The following KLHL1 variants were observed in gnomAD, a reference collection of about 807,000 sequenced individuals.
The protein encoded by KLHL1 is kelch like family member 1.
KLHL1 carries 47 observed loss-of-function variants against 77.7 expected under a neutral mutation model. The observed-to-expected ratio is 0.60, with a 90% CI of 0.48 to 0.77. KLHL1 has a LOEUF of 0.77. Ranked by LOEUF, KLHL1 falls within the 30% of genes least tolerant of loss-of-function variation. The probability of loss-of-function intolerance (pLI) is 0.00; values close to 1 mark genes in which losing one functional copy is unlikely to be tolerated. For synonymous variants in KLHL1, 360 were observed against 325.2 expected (o/e 1.11, Z -1.15); for missense variants, 925 against 910.8 (o/e 1.02, Z -0.20).
At chr13:69,988,088 T>TG (rs1566475996) in intron 1 of KLHL1, among the ~76,000 whole-genome samples, 35 of 151,774 alleles carry the variant, frequency 2.3e-4, no homozygotes, top group African/African-American at 7.8e-4. Context: ...TAGCTTTTTT[T>TG]TGGCGGGGGG....
intron 1 of KLHL1, among the ~76,000 whole-genome samples, chr13:70,026,745 AGAGG>A (rs1410067852): frequency 7.2e-6 from 1 of 138,444 alleles, no homozygotes; most frequent in East Asian, 2.0e-4. Flanking sequence ...TGTGTGTGTA[AGAGG>A]GAGAGAGAGA....
intron 6 of KLHL1, among the ~76,000 whole-genome samples, chr13:69,835,821 A>AT (rs1296789507): frequency 6.7e-6 from 1 of 149,474 alleles, no homozygotes; most frequent in East Asian, 1.9e-4. Flanking sequence ...AATGGACAGA[A>AT]TGAAAAAAAA....
Position 69,863,849 on chromosome 13 carries a change from A to G in KLHL1, c.1227+18434T>C, listed in dbSNP as rs1288616399. Among the ~76,000 whole-genome samples the G allele has an allele frequency of 3.3e-5, 5 of 152,168 alleles. No individual in the cohort carries two copies. The East Asian group carries it at 9.7e-4, about 29-fold the overall frequency. Reference sequence around the variant, plus strand: ...TGTCAGTAATAATTCTTTCTCACTAATATTTTAATAATTTATTTAGGCTGA... The same window carrying G: ...TGTCAGTAATAATTCTTTCTCACTAGTATTTTAATAATTTATTTAGGCTGA... On this transcript the variant is annotated intron_variant, in intron 5 of 10. Transcript: ENST00000377844.
At position 69,827,893 on chromosome 13, in the gene KLHL1, T is replaced by C. The variant is rs1263313807; in HGVS notation, c.1414+11083A>G. On this transcript the variant is annotated intron_variant, in intron 6 of 10. Coordinates refer to ENST00000377844, the MANE Select transcript of KLHL1 (RefSeq NM_020866.3). ...TAGAAACTAAAAAAGTTTCTTAATCTCTTCAAATTCAAAATGAGCTTGGAA... is the reference window on the plus strand; with the variant it reads ...TAGAAACTAAAAAAGTTTCTTAATCCCTTCAAATTCAAAATGAGCTTGGAA... Among the ~76,000 whole-genome samples the C allele has an allele frequency of 2.2e-5, 3 of 135,962 alleles. 1 individual carries two copies. Among genetic ancestry groups the C allele is most frequent in the African/African-American group, 9.2e-5 (3 of 32,440 alleles). The allele number at this position is 135,962 out of a possible 152,430, so 89.2% of individuals were successfully genotyped here.
At chr13:70,101,963 AC>A (rs1035227340) in intron 1 of KLHL1, among the ~76,000 whole-genome samples, 33 of 151,926 alleles carry the variant, frequency 2.2e-4, no homozygotes, top group Non-Finnish European at 4.3e-4. Context: ...AAAAAAAAAA[AC>A]AAAGTAAAAT....
intron 1 of KLHL1, among the ~76,000 whole-genome samples, chr13:70,069,809 G>A (rs1887097877): frequency 6.6e-6 from 1 of 151,398 alleles, no homozygotes; most frequent in African/African-American, 2.5e-5. Flanking sequence ...AAAATCCAAA[G>A]CTGTGGGACA....
chr13:69,743,809 CAAAACAAAAAAACAGAA>C (rs1874086492), intron 7 of KLHL1, among the ~76,000 whole-genome samples: 1 of 89,726 alleles, frequency 1.1e-5, no homozygotes, highest in Non-Finnish European at 2.3e-5. Flanking sequence ...AAAAACAAAA[CAAAACAAAAAAACAGAA>C]AAAAAAAAAA....
At chr13:69,908,683 T>C (rs890353423) in intron 4 of KLHL1, among the ~76,000 whole-genome samples, 1 of 151,600 alleles carries the variant, frequency 6.6e-6, no homozygotes, top group Non-Finnish European at 1.5e-5. Flanking sequence ...TGCCTATGAA[T>C]TTCCATAGCT....
At chr13:69,780,717 T>TATATATAC (rs1876121421) in intron 7 of KLHL1, among the ~76,000 whole-genome samples, 3 of 35,490 alleles carry the variant, frequency 8.5e-5, no homozygotes, top group South Asian at 8.0e-4. Context: ...TATATATATG[T>TATATATAC]ATATATATAT....
intron 7 of KLHL1, among the ~76,000 whole-genome samples, chr13:69,784,008 G>A (rs1418718121): frequency 6.6e-6 from 1 of 152,170 alleles, no homozygotes. Flanking sequence ...CTACAAGCCA[G>A]AAGAGACTGG....
rs141399970 is a variant in KLHL1, at chr13:69,928,282, G to T, written c.1014+11758C>A. Among the ~76,000 whole-genome samples, 1,083 of 152,204 alleles carry T rather than the reference G, an allele frequency of 7.1e-3. 4 individuals carry two copies. Among genetic ancestry groups the T allele is most frequent in the Non-Finnish European group, 0.012 (799 of 68,008 alleles). ...CCATAACTTCACCTTGCAGTTTCCC[G>T]CCAATTGACAATCTCCACACTTCAG... is the stretch of plus-strand genomic sequence containing the variant. On this transcript the variant is annotated intron_variant, in intron 4 of 10. Coordinates refer to ENST00000377844, the MANE Select transcript of KLHL1 (RefSeq NM_020866.3).
chr13:70,053,564 G>A (rs1236160140), intron 1 of KLHL1, among the ~76,000 whole-genome samples: 1 of 151,922 alleles, frequency 6.6e-6, no homozygotes, highest in South Asian at 2.1e-4. Flanking sequence ...GATCAAAGAA[G>A]AATTTTTAAA....
chr13:69,972,319 C>T (rs1884406431), intron 2 of KLHL1, among the ~76,000 whole-genome samples: 1 of 151,886 alleles, frequency 6.6e-6, no homozygotes, highest in East Asian at 1.9e-4. Flanking sequence ...ATAATAAATA[C>T]TTTCTTGAAA....
intron 3 of KLHL1, among the ~76,000 whole-genome samples, chr13:69,955,345 A>G (rs991537532): frequency 1.1e-4 from 17 of 151,396 alleles, no homozygotes; most frequent in Non-Finnish European, 1.3e-4. Context: ...CTTAGCAGGT[A>G]CAAAGACTTT....
chr13:70,040,640 T>A (rs545259611), intron 1 of KLHL1, among the ~76,000 whole-genome samples: 1 of 152,304 alleles, frequency 6.6e-6, no homozygotes, highest in Admixed American at 6.5e-5. Flanking sequence ...ACAAATTTTC[T>A]ATTTGTCTTT....
intron 7 of KLHL1, among the ~76,000 whole-genome samples, chr13:69,752,422 T>C (rs1874526759): frequency 6.6e-6 from 1 of 152,130 alleles, no homozygotes; most frequent in Admixed American, 6.6e-5. Flanking sequence ...ATTAGCAAAA[T>C]ATATTTTGTT....
At chr13:69,778,006 A>G (rs1405556276) in intron 7 of KLHL1, among the ~76,000 whole-genome samples, 2 of 151,876 alleles carry the variant, frequency 1.3e-5, no homozygotes, top group East Asian at 3.9e-4. Flanking sequence ...TGTAATATTT[A>G]TAATTCATAT....
chr13:70,013,928 T>G (rs968950201), intron 1 of KLHL1, among the ~76,000 whole-genome samples: 1 of 152,296 alleles, frequency 6.6e-6, no homozygotes, highest in South Asian at 2.1e-4. Context: ...TATACCTTAA[T>G]GTTTACAACT....
chr13:69,734,937 C>T (rs1445834888), intron 8 of KLHL1, among the ~76,000 whole-genome samples: 2 of 151,922 alleles, frequency 1.3e-5, no homozygotes, highest in South Asian at 2.1e-4. Context: ...TGATGTTATG[C>T]TAAAATAAGA....
Sources: allele counts gnomAD v4.1 joint callset (sites outside exome capture counted in the v4.1 genomes callset), GRCh38; gene constraint gnomAD v4.1.1; transcripts MANE v1.5; gene names NCBI Gene and HGNC (gene_info 2026-07-23, HGNC 2026-07-21).